Variants in VDR observed in about 807,000 individuals in gnomAD.
VDR encodes the protein vitamin D receptor.
VDR carries 19 observed loss-of-function variants against 39.7 expected under a neutral mutation model. That is an observed-to-expected ratio of 0.48 (90% confidence interval 0.33 to 0.70). The LOEUF is 0.70. Among genes scored for constraint, VDR ranks in the 30% least tolerant of loss-of-function variants. The probability of loss-of-function intolerance (pLI) is 0.02; values close to 1 mark genes in which losing one functional copy is unlikely to be tolerated. For missense variants in VDR, 442 were observed against 570.5 expected (o/e 0.77, Z 2.29); for synonymous variants, 242 against 215.8 (o/e 1.12, Z -1.07).
At chr12:47,875,125 A>G (rs1210608102) in intron 3 of VDR, among the ~76,000 whole-genome samples, 1 of 152,236 alleles carries the variant, frequency 6.6e-6, no homozygotes, top group East Asian at 1.9e-4. Flanking sequence ...ATCATAGATC[A>G]ATAGAACTGT....
rs1484737254 is a variant in VDR at position 47,855,653 on chromosome 12, A to G, written c.732T>C (p.Phe244=). 1 of 1,614,232 alleles carries G rather than the reference A, an allele frequency of 6.2e-7. No individual in the cohort carries two copies. Among genetic ancestry groups the G allele is most frequent in the East Asian group, 2.2e-5 (1 of 44,896 alleles). The change falls in exon 7 of 10, where the codon TTT becomes TTC. Residue 244 remains phenylalanine (F), a synonymous_variant. Transcript: ENST00000549336. ...ACCTGAATCCTGGTATCATCTTAGCAAAGCCAATGACCTTTTGGATGCTGT... is the reference window on the plus strand; with the variant it reads ...ACCTGAATCCTGGTATCATCTTAGCGAAGCCAATGACCTTTTGGATGCTGT... ...VSYSIQKVIG[F]AKMIPGFRDL...
In VDR at chr12:47,844,795, A is replaced by G. The variant is rs1017564795; in HGVS notation, c.1235T>C (p.Met412Thr). The G allele has an allele frequency of 1.9e-6, 3 of 1,614,154 alleles. No homozygotes were observed. The highest frequency in any genetic ancestry group is 1.1e-5 in the South Asian group (1 of 91,084). ...RCLSFQPECS[M>T]KLTPLVLEVF... ...TTCGAGCACAAGGGGCGTTAGCTTC[A>G]TGCTGCACTCAGGCTGGAAGGAGAG... The change falls in exon 10 of 10, where the codon ATG (methionine) becomes ACG (threonine). Residue 412 changes from methionine to threonine, a missense_variant. This residue lies in a region of VDR where 173 missense variants were observed against 252.0 expected (regional missense o/e 0.69). Coordinates refer to ENST00000549336, the MANE Select transcript of VDR (RefSeq NM_000376.3).
chr12:47,879,874 A>T (rs1306447268), intron 2 of VDR, among the ~76,000 whole-genome samples: 1 of 152,198 alleles, frequency 6.6e-6, no homozygotes, highest in East Asian at 1.9e-4. Context: ...CTAAACAGGC[A>T]TTATCATCTA....
chr12:47,883,993 G>A (rs1946209192), intron 1 of VDR, among the ~76,000 whole-genome samples: 1 of 152,254 alleles, frequency 6.6e-6, no homozygotes. Context: ...GCTGAGGACA[G>A]GCATGCTGCC....
At chr12:47,873,147 T>A (rs938881949) in intron 3 of VDR, among the ~76,000 whole-genome samples, 1 of 151,998 alleles carries the variant, frequency 6.6e-6, no homozygotes, top group Non-Finnish European at 1.5e-5. Flanking sequence ...GGGGACAGAT[T>A]TCCCCCTTGC....
At chr12:47,904,724 G>T in intron 1 of VDR, 1 of 1,306,942 alleles carries the variant, frequency 7.7e-7, no homozygotes, top group Non-Finnish European at 1.1e-6. Context: ...AAGCGCCGAG[G>T]ATGTCGCTGC....
At chr12:47,850,892 C>G (rs1400023032) in intron 7 of VDR, among the ~76,000 whole-genome samples, 2 of 146,936 alleles carry the variant, frequency 1.4e-5, no homozygotes, top group Non-Finnish European at 3.0e-5. Flanking sequence ...TCCCACGGTA[C>G]CTCCAGCAGG....
intron 2 of VDR, among the ~76,000 whole-genome samples, chr12:47,880,755 C>T (rs1347133452): frequency 2.0e-5 from 3 of 151,278 alleles, no homozygotes; most frequent in Non-Finnish European, 4.4e-5. Flanking sequence ...TTGAACTATC[C>T]TAATAGTAAT....
intron 1 of VDR, among the ~76,000 whole-genome samples, chr12:47,888,369 T>C (rs1171631639): frequency 6.6e-6 from 1 of 152,172 alleles, no homozygotes; most frequent in Admixed American, 6.5e-5. Context: ...CCAGGCTACA[T>C]ACTCTCATTC....
chr12:47,878,808 C>T lies in VDR; in HGVS notation c.146+160G>A, dbSNP rs766227836. 3.6e-6 allele frequency: 4 copies of T among 1,120,036 alleles called. No individual in the cohort carries two copies. The South Asian group carries it at 4.0e-5, about 11-fold the overall frequency. The allele number at this position is 1,120,036 out of a possible 1,614,324, so 69.4% of individuals were successfully genotyped here. On this transcript the variant is annotated intron_variant, in intron 3 of 9. Coordinates refer to ENST00000549336, the MANE Select transcript of VDR (RefSeq NM_000376.3). ...AGCTGAGAGGAGGGAAAAGAAGATA[C>T]CACTCACCAAGACCCTCCTGCTCCT...
intron 1 of VDR, among the ~76,000 whole-genome samples, chr12:47,904,129 G>C (rs550435072): frequency 2.6e-5 from 4 of 152,148 alleles, no homozygotes; most frequent in African/African-American, 9.6e-5. Flanking sequence ...AGGAGGAGAA[G>C]GAGGAGGAAC....
chr12:47,859,066 G>A (rs1945554386), intron 4 of VDR, among the ~76,000 whole-genome samples: 1 of 152,240 alleles, frequency 6.6e-6, no homozygotes, highest in African/African-American at 2.4e-5. Context: ...TGTCTGCACA[G>A]ACCCTACCAG....
intron 1 of VDR, among the ~76,000 whole-genome samples, chr12:47,884,387 G>C (rs1281985786): frequency 6.6e-6 from 1 of 152,198 alleles, no homozygotes; most frequent in East Asian, 1.9e-4. Flanking sequence ...AGAGCACTCT[G>C]AGTGACTTAC....
intron 3 of VDR, among the ~76,000 whole-genome samples, chr12:47,877,555 C>A (rs1055982182): frequency 2.0e-5 from 3 of 152,060 alleles, no homozygotes; most frequent in African/African-American, 7.3e-5. Flanking sequence ...TGGCCAGCAC[C>A]CCAGACCATG....
rs150302632 is a variant in VDR, at chr12:47,903,622, C to T, written c.-84+1333G>A. Among the ~76,000 whole-genome samples the T allele has an allele frequency of 1.2e-3, 178 of 152,304 alleles. No homozygotes were observed. In the South Asian group the frequency reaches 0.017, roughly 15 times the overall value. On this transcript the variant is annotated intron_variant, in intron 1 of 9. Transcript: ENST00000549336. ...CTACCTCAGCAAATCACCCTCACTCCCTAGCCTGAGTTAAAGCCTTCTTTG... is the reference window on the plus strand; with the variant it reads ...CTACCTCAGCAAATCACCCTCACTCTCTAGCCTGAGTTAAAGCCTTCTTTG...
intron 1 of VDR, among the ~76,000 whole-genome samples, chr12:47,883,370 C>T (rs11574038): frequency 0.01 from 1,551 of 152,242 alleles, 36 homozygotes; most frequent in African/African-American, 0.036. Context: ...CGGGTGTAGG[C>T]GGAGCAGGTG....
At chr12:47,889,616 G>A (rs1019790031) in intron 1 of VDR, among the ~76,000 whole-genome samples, 2 of 152,196 alleles carry the variant, frequency 1.3e-5, no homozygotes, top group African/African-American at 2.4e-5. Context: ...ACACTAGCAT[G>A]GGGGTACTTC....
At chr12:47,900,749 AC>A in intron 1 of VDR, among the ~76,000 whole-genome samples, 1 of 151,864 alleles carries the variant, frequency 6.6e-6, no homozygotes, top group South Asian at 2.1e-4. Context: ...CTTGCATAAC[AC>A]CTCCAAGCTC....
chr12:47,857,284 T>C, intron 5 of VDR, 35 bp from the exon 6 acceptor site: 2 of 1,613,934 alleles, frequency 1.2e-6, no homozygotes, highest in Non-Finnish European at 1.7e-6. Context: ...GACCCACATT[T>C]TGGGGTTGCC....
Sources: gnomAD v4.1 joint callset for allele counts (sites outside exome capture counted in the v4.1 genomes callset) on GRCh38, gnomAD v4.1.1 for gene constraint, gnomAD v4.1.1 regional missense constraint, MANE v1.5 for transcripts, NCBI Gene and HGNC (gene_info 2026-07-23, HGNC 2026-07-21) for gene names.